Variants in CEP350 observed in about 807,000 individuals in gnomAD.
The protein encoded by CEP350 is centrosomal protein 350, also known as centrosome-associated protein 350.
CEP350 carries 126 observed loss-of-function variants against 331.8 expected under a neutral mutation model. The ratio of observed to expected loss-of-function variants is 0.38; its 90% CI spans 0.33 to 0.44. The LOEUF is 0.44. CEP350 is among the 20% of genes least tolerant of loss of function. The probability of loss-of-function intolerance (pLI) is 1.00; values close to 1 mark genes in which losing one functional copy is unlikely to be tolerated. For missense variants in CEP350, 3,406 were observed against 3,634.6 expected, an observed-to-expected ratio of 0.94 and a Z score of 1.62; for synonymous variants, 1,200 against 1,259.5, an observed-to-expected ratio of 0.95 and a Z score of 1.00.
rs991972540 is a variant in CEP350 at position 180,048,630 on chromosome 1, A to T, written c.4717A>T (p.Ile1573Phe). 1 of 1,611,008 alleles carries T rather than the reference A, an allele frequency of 6.2e-7. No individual in the cohort carries two copies. Among genetic ancestry groups the T allele is most frequent in the African/African-American group, 1.3e-5 (1 of 74,894 alleles). Residue 1573 changes from isoleucine to phenylalanine, a missense_variant, in exon 22 of 38, where the codon ATT (isoleucine) becomes TTT (phenylalanine). Ile to Phe is a conservative substitution (Grantham distance 21). This residue lies in a region of CEP350 where 1,857 missense variants were observed against 1,909.2 expected (regional missense o/e 0.97). Coordinates refer to ENST00000367607, the MANE Select transcript of CEP350 (RefSeq NM_014810.5). ...TAATGGTGAAAAGATAGAGAGTTCC[A>T]TTGATGAACAGGTTCAGACTGCTGC... ...KLNGEKIESS[I>F]DEQVQTAADD...
intron 1 of CEP350, among the ~76,000 whole-genome samples, chr1:179,976,928 T>C (rs778608247): frequency 6.6e-6 from 1 of 152,232 alleles, no homozygotes; most frequent in Non-Finnish European, 1.5e-5. Context: ...ACTAGCATTA[T>C]GGGAACTGGA....
At chr1:180,015,514 G>A (rs1307014102) in intron 10 of CEP350, among the ~76,000 whole-genome samples, 2 of 152,064 alleles carry the variant, frequency 1.3e-5, no homozygotes, top group African/African-American at 2.4e-5. Context: ...GATTACAGGC[G>A]TGAGCCACCG....
At chr1:180,109,448 A>G (rs1661358956) in intron 37 of CEP350, among the ~76,000 whole-genome samples, 1 of 151,644 alleles carries the variant, frequency 6.6e-6, no homozygotes. Context: ...AGATGAAACT[A>G]TGATCAGGGC....
chr1:179,969,684 T>C (rs1026282258), intron 1 of CEP350, among the ~76,000 whole-genome samples: 1 of 152,046 alleles, frequency 6.6e-6, no homozygotes, highest in African/African-American at 2.4e-5. Context: ...CTGGGTGTGG[T>C]GGTGTGTGCT....
chr1:180,078,622 A>T lies in CEP350; in HGVS notation c.5927A>T (p.Glu1976Val). The stretch of plus-strand genomic sequence containing the variant: ...AGTCCAGATCACAGTATACTTACTG[A>T]AGAAATGATTTGTTCACAGGAACTA... Reference protein sequence around the residue: ...PGSPDHSILTEEMICSQELES... With the variant: ...PGSPDHSILTVEMICSQELES... Residue 1976 changes from glutamate to valine, a missense_variant, in exon 29 of 38, where the codon GAA becomes GTA. Glu to Val is a moderately radical substitution (Grantham distance 121). Transcript: ENST00000367607. 6.2e-7 allele frequency: 1 copy of T among 1,612,738 alleles called. No homozygotes were observed. Among genetic ancestry groups the T allele is most frequent in the African/African-American group, 1.3e-5 (1 of 75,036 alleles).
At chr1:180,079,534 C>T (rs1659433413) in intron 29 of CEP350, among the ~76,000 whole-genome samples, 1 of 151,640 alleles carries the variant, frequency 6.6e-6, no homozygotes, top group Admixed American at 6.6e-5. Context: ...TTTCAATGTC[C>T]TTGTGCACAT....
chr1:180,059,211 T>C (rs1658049659), intron 25 of CEP350, among the ~76,000 whole-genome samples: 1 of 152,198 alleles, frequency 6.6e-6, no homozygotes, highest in South Asian at 2.1e-4. Flanking sequence ...ACGTACTCTG[T>C]GAAACTCTGG....
intron 1 of CEP350, among the ~76,000 whole-genome samples, chr1:179,981,245 A>G (rs1652255108): frequency 6.6e-6 from 1 of 152,214 alleles, no homozygotes; most frequent in African/African-American, 2.4e-5. Context: ...AAATAGACAA[A>G]AGATAATACA....
chr1:180,034,215 T>A, intron 16 of CEP350, 133 bp downstream of exon 16: 1 of 1,158,800 alleles, frequency 8.6e-7, no homozygotes, highest in Non-Finnish European at 1.2e-6. Flanking sequence ...TTTCAAGTAT[T>A]AAAAACTGCA....
At chr1:180,021,276 A>G (rs1400977446) in intron 12 of CEP350, among the ~76,000 whole-genome samples, 1 of 152,180 alleles carries the variant, frequency 6.6e-6, no homozygotes, top group Admixed American at 6.5e-5. Context: ...TCTAGTTCAG[A>G]GAAATTCATA....
intron 31 of CEP350, among the ~76,000 whole-genome samples, chr1:180,086,177 T>C (rs1255100183): frequency 6.6e-6 from 1 of 152,116 alleles, no homozygotes; most frequent in East Asian, 1.9e-4. Context: ...ACTTGCACAA[T>C]GGTTAGAGTA....
At chr1:180,011,903 A>G in intron 8 of CEP350, 26 bp from the exon 9 acceptor site, 5 of 1,526,698 alleles carry the variant, frequency 3.3e-6, no homozygotes, top group Non-Finnish European at 4.4e-6. Flanking sequence ...TTTAAGTTTT[A>G]ATTTCAGTGC....
At chr1:180,006,611 TAA>T in intron 8 of CEP350, 44 bp downstream of exon 8, 1 of 973,406 alleles carries the variant, frequency 1.0e-6, no homozygotes. Flanking sequence ...TGTTTTTAAT[TAA>T]TGTTTTCATT....
At chr1:180,052,213 C>G (rs1262100929) in intron 22 of CEP350, 1 of 453,900 alleles carries the variant, frequency 2.2e-6, no homozygotes, top group South Asian at 1.6e-5. Context: ...TTCTTTCTTT[C>G]TTTTTTTAAG....
intron 28 of CEP350, among the ~76,000 whole-genome samples, chr1:180,078,166 C>T (rs555031813): frequency 6.6e-6 from 1 of 151,808 alleles, no homozygotes; most frequent in South Asian, 2.1e-4. Flanking sequence ...AGAACAAGGA[C>T]CAAAAAGCAA....
Position 179,996,679 on chromosome 1 carries a change from G to T in CEP350, c.522G>T (p.Arg174=). ...GGATGATAGGCAGTCGAGAAGAACG[G>T]AATATACGGAGCTGTGATTTTGAGA... ...GNWMIGSREE[R]NIRSCDFESS... The change falls in exon 6 of 38, where the codon CGG becomes CGT. Residue 174 remains arginine, a synonymous_variant. Transcript: ENST00000367607. 2 of 1,613,658 alleles carry T rather than the reference G, an allele frequency of 1.2e-6. No individual in the cohort carries two copies. Among genetic ancestry groups the T allele is most frequent in the Non-Finnish European group, 1.7e-6 (2 of 1,179,746 alleles).
rs1203657009 is a variant in CEP350 at position 180,004,864 on chromosome 1, A to AGGCTGGCT, written c.1132+1582_1133-1578dup. ...CTCAGTCCTCAGAGCTTGGGCAGGC[A>AGGCTGGCT]GGCTGGCTGGCTTGCTTGCTTGCTT... On this transcript the variant is annotated intron_variant, in intron 7 of 37. Coordinates refer to ENST00000367607, the MANE Select transcript of CEP350 (RefSeq NM_014810.5). 4.2e-3 allele frequency among the ~76,000 whole-genome samples: 603 copies of AGGCTGGCT among 143,566 alleles called. 2 individuals carry two copies. Among genetic ancestry groups the AGGCTGGCT allele is most frequent in the Non-Finnish European group, 5.4e-3 (358 of 65,842 alleles). 94.2% of individuals were successfully genotyped at this position (143,566 alleles called of 152,430 possible).
intron 33 of CEP350, among the ~76,000 whole-genome samples, chr1:180,092,386 AC>A (rs1274621735): frequency 2.0e-5 from 3 of 152,224 alleles, no homozygotes; most frequent in Non-Finnish European, 2.9e-5. Flanking sequence ...ATAAGTTAAG[AC>A]AGTGCTTAAG....
intron 30 of CEP350, among the ~76,000 whole-genome samples, chr1:180,081,815 G>T (rs1482247478): frequency 6.6e-6 from 1 of 152,192 alleles, no homozygotes; most frequent in African/African-American, 2.4e-5. Flanking sequence ...TATCATTTAT[G>T]TGTGTGTTTA....
Sources: allele counts gnomAD v4.1 joint callset (sites outside exome capture counted in the v4.1 genomes callset), GRCh38; gene constraint gnomAD v4.1.1; regional missense constraint gnomAD v4.1.1; transcripts MANE v1.5; gene names NCBI Gene and HGNC (gene_info 2026-07-23, HGNC 2026-07-21).